AP3B1: variants seen among roughly 807,000 people sequenced by gnomAD.
AP3B1 encodes the protein adaptor related protein complex 3 subunit beta 1.
Under a neutral mutation model 132.5 loss-of-function variants are expected in AP3B1, and 61 were observed. The ratio of observed to expected loss-of-function variants is 0.46; its 90% CI spans 0.37 to 0.57. The LOEUF (loss-of-function observed/expected upper bound fraction) is 0.57. Ranked by LOEUF, AP3B1 falls within the 20% of genes least tolerant of loss-of-function variation. The probability of loss-of-function intolerance (pLI) is 0.00; values close to 1 mark genes in which losing one functional copy is unlikely to be tolerated. For synonymous variants in AP3B1, 388 were observed against 438.3 expected (o/e 0.89, Z 1.43); for missense variants, 1,120 against 1,289.4 (o/e 0.87, Z 2.01).
chr5:78,283,000 T>A (rs1200008822), intron 1 of AP3B1, among the ~76,000 whole-genome samples: 1 of 152,172 alleles, frequency 6.6e-6, no homozygotes, highest in East Asian at 1.9e-4. Flanking sequence ...AGATTGTGTC[T>A]CTTAAAACCA....
chr5:78,279,211 T>A (rs981192058), intron 1 of AP3B1, among the ~76,000 whole-genome samples: 1 of 152,146 alleles, frequency 6.6e-6, no homozygotes, highest in South Asian at 2.1e-4. Context: ...TTATGAGATA[T>A]GGGATTGGAA....
At chr5:78,065,359 G>C (rs1290536478) in intron 22 of AP3B1, among the ~76,000 whole-genome samples, 1 of 152,010 alleles carries the variant, frequency 6.6e-6, no homozygotes, top group African/African-American at 2.4e-5. Context: ...ACTGAGCTTT[G>C]GCAGGGGAAG....
intron 7 of AP3B1, among the ~76,000 whole-genome samples, chr5:78,190,361 G>T (rs1744778218): frequency 6.6e-6 from 1 of 152,114 alleles, no homozygotes; most frequent in African/African-American, 2.4e-5. Context: ...CTCTAAGTTG[G>T]AACCAAGCAG....
intron 22 of AP3B1, among the ~76,000 whole-genome samples, chr5:78,050,820 T>A (rs1329726246): frequency 6.6e-6 from 1 of 152,154 alleles, no homozygotes; most frequent in African/African-American, 2.4e-5. Context: ...AGATGCATTA[T>A]AAGCAAATGA....
intron 15 of AP3B1, among the ~76,000 whole-genome samples, chr5:78,130,050 A>G (rs1211633220): frequency 6.6e-6 from 1 of 152,140 alleles, no homozygotes; most frequent in Non-Finnish European, 1.5e-5. Context: ...CCATAATAAG[A>G]CTTCCTAAGT....
intron 20 of AP3B1, among the ~76,000 whole-genome samples, chr5:78,109,068 T>C (rs540718381): frequency 1.3e-5 from 2 of 152,260 alleles, no homozygotes; most frequent in East Asian, 3.9e-4. Flanking sequence ...GAAATGAGAG[T>C]ACATCAGACT....
At chr5:78,250,731 T>C (rs1418838945) in intron 2 of AP3B1, among the ~76,000 whole-genome samples, 1 of 152,138 alleles carries the variant, frequency 6.6e-6, no homozygotes, top group East Asian at 1.9e-4. Context: ...ATGGGAAATA[T>C]ATCTAACTCA....
chr5:78,138,654 G>T (rs1304441465), intron 15 of AP3B1, among the ~76,000 whole-genome samples: 1 of 151,934 alleles, frequency 6.6e-6, no homozygotes, highest in Non-Finnish European at 1.5e-5. Flanking sequence ...TCACCATTAG[G>T]TGGTGAGGCC....
intron 15 of AP3B1, among the ~76,000 whole-genome samples, chr5:78,137,714 G>A (rs1003401490): frequency 1.1e-4 from 17 of 152,116 alleles, no homozygotes; most frequent in African/African-American, 3.4e-4. Context: ...CTATGGTAGG[G>A]TCAGTCTAGG....
intron 15 of AP3B1, among the ~76,000 whole-genome samples, chr5:78,136,864 G>T (rs1752937055): frequency 6.6e-6 from 1 of 151,968 alleles, no homozygotes; most frequent in African/African-American, 2.4e-5. Context: ...CATACATGTT[G>T]CAATATAGCA....
chr5:78,234,806 T>A (rs1746802854), intron 3 of AP3B1, among the ~76,000 whole-genome samples: 1 of 152,170 alleles, frequency 6.6e-6, no homozygotes, highest in Non-Finnish European at 1.5e-5. Context: ...AATTAAGACA[T>A]TTCCCATTAG....
chr5:78,109,370 T>C (rs1435253156), intron 20 of AP3B1, among the ~76,000 whole-genome samples: 1 of 152,096 alleles, frequency 6.6e-6, no homozygotes, highest in Non-Finnish European at 1.5e-5. Flanking sequence ...TCAGATAACA[T>C]ATTGAAGAGA....
At chr5:78,225,299 G>A (rs1282824704) in intron 6 of AP3B1, among the ~76,000 whole-genome samples, 2 of 152,038 alleles carry the variant, frequency 1.3e-5, no homozygotes, top group Admixed American at 6.6e-5. Context: ...ACAGGTTAAA[G>A]ATTTTTTTCT....
chr5:78,158,625 T>C (rs113515490), intron 13 of AP3B1, among the ~76,000 whole-genome samples: 2,154 of 152,264 alleles, frequency 0.014, 58 homozygotes, highest in African/African-American at 0.049. Flanking sequence ...TGTATAACTT[T>C]ACCCAGAATT....
At chr5:78,285,463 T>C (rs549020301) in intron 1 of AP3B1, among the ~76,000 whole-genome samples, 2 of 152,240 alleles carry the variant, frequency 1.3e-5, no homozygotes, top group East Asian at 3.9e-4. Flanking sequence ...CAGGACTGAC[T>C]GACTCTGACC....
chr5:78,079,943 C>G (rs1357653885), intron 22 of AP3B1, among the ~76,000 whole-genome samples: 1 of 152,172 alleles, frequency 6.6e-6, no homozygotes, highest in Non-Finnish European at 1.5e-5. Context: ...ATGCATCCAT[C>G]AATTAAATAA....
rs1431982554 is a variant in AP3B1 at position 78,116,143 on chromosome 5, T to C, written c.2060A>G (p.Asp687Gly). 7 of 1,610,502 alleles carry C rather than the reference T, an allele frequency of 4.3e-6. No homozygotes were observed. Among genetic ancestry groups the C allele is most frequent in the Non-Finnish European group, 5.9e-6 (7 of 1,176,884 alleles). The change falls in exon 18 of 27, where the codon GAT (aspartate) becomes GGT (glycine). Residue 687 changes from aspartate (D) to glycine (G), a missense_variant. This residue lies in a region of AP3B1 where 906 missense variants were observed against 997.1 expected (regional missense o/e 0.91). Transcript: ENST00000255194. Reference sequence around the variant, plus strand: ...AAACCCACCACTGTCACTGCTACTATCAGAAGAGTCCTCCTCTTCCTCAGA... The same window carrying C: ...AAACCCACCACTGTCACTGCTACTACCAGAAGAGTCCTCCTCTTCCTCAGA... ...SESEEEEDSS[D>G]SSSDSESESG...
chr5:78,146,695 C>T (rs926364354), intron 14 of AP3B1, among the ~76,000 whole-genome samples: 66 of 151,970 alleles, frequency 4.3e-4, no homozygotes, highest in African/African-American at 1.5e-3. Flanking sequence ...ATTTTATATC[C>T]CTATACTTTA....
chr5:78,072,403 G>A (rs924271752), intron 22 of AP3B1, among the ~76,000 whole-genome samples: 3 of 152,106 alleles, frequency 2.0e-5, no homozygotes, highest in African/African-American at 7.2e-5. Flanking sequence ...TATCATTTTA[G>A]AGATAATCAC....
Sources: allele counts gnomAD v4.1 joint callset (sites outside exome capture counted in the v4.1 genomes callset), GRCh38; gene constraint gnomAD v4.1.1; regional missense constraint gnomAD v4.1.1; transcripts MANE v1.5; gene names NCBI Gene and HGNC (gene_info 2026-07-23, HGNC 2026-07-21).